Variants in GYPE observed in about 807,000 individuals in gnomAD.
GYPE encodes glycophorin-E.
A neutral mutation model predicts 11.6 loss-of-function variants in GYPE; 8 were observed. The observed-to-expected ratio is 0.69, with a 90% confidence interval of 0.41 to 1.25. The LOEUF (loss-of-function observed/expected upper bound fraction) is 1.25, where lower values mean the gene tolerates loss of function less well. GYPE is among the 50% of genes most tolerant of loss of function. GYPE has a pLI of 0.01. For synonymous variants in GYPE, 28 were observed against 29.6 expected, an observed-to-expected ratio of 0.94 and a Z score of 0.18; for missense variants, 90 against 92.8, an observed-to-expected ratio of 0.97 and a Z score of 0.12.
At chr4:143,877,705 C>G (rs1743868273) in intron 2 of GYPE, among the ~76,000 whole-genome samples, 1 of 151,742 alleles carries the variant, frequency 6.6e-6, no homozygotes, top group Non-Finnish European at 1.5e-5. Flanking sequence ...GACCACTTAG[C>G]TTGAATGTAT....
chr4:143,893,338 T>C (rs1274799377), intron 1 of GYPE, among the ~76,000 whole-genome samples: 1 of 138,740 alleles, frequency 7.2e-6, no homozygotes, highest in Non-Finnish European at 1.6e-5. Flanking sequence ...TATGTGTGAA[T>C]TTGATCCTGT....
chr4:143,894,555 C>T (rs553712252), intron 1 of GYPE, among the ~76,000 whole-genome samples: 86 of 152,126 alleles, frequency 5.7e-4, no homozygotes, highest in African/African-American at 1.6e-3. Context: ...GCAGGTCTGT[C>T]GGAGTTTGCT....
rs558200241 is a variant in GYPE, at chr4:143,884,991, G to A, written c.38-4482C>T. Among the ~76,000 whole-genome samples the A allele has an allele frequency of 9.3e-5, 14 of 150,494 alleles. No individual in the cohort carries two copies. The South Asian group carries it at 1.5e-3, about 16-fold the overall frequency. On this transcript the variant is annotated intron_variant, in intron 1 of 3. Coordinates refer to ENST00000358615, the MANE Select transcript of GYPE (RefSeq NM_198682.3). The stretch of plus-strand genomic sequence containing the variant: ...TCAGTAGTATGGAGGATAACTTAGG[G>A]GAAAAAAAAACATGCCAGAGCTTTG...
At chr4:143,885,638 G>C (rs1490932097) in intron 1 of GYPE, among the ~76,000 whole-genome samples, 1 of 151,334 alleles carries the variant, frequency 6.6e-6, no homozygotes, top group Non-Finnish European at 1.5e-5. Context: ...CTCCACTCTG[G>C]CTTTTAACAA....
intron 1 of GYPE, among the ~76,000 whole-genome samples, chr4:143,899,080 G>A (rs372473565): frequency 6.8e-6 from 1 of 146,364 alleles, no homozygotes; most frequent in East Asian, 2.0e-4. Flanking sequence ...ATATAAAAAG[G>A]AGCAAAAGGC....
At position 143,881,190 on chromosome 4, in the gene GYPE, C is replaced by CAAA. The variant is rs35536556; in HGVS notation, c.38-684_38-682dup. The stretch of plus-strand genomic sequence containing the variant: ...TGGGTGACAGAACGAGACTCCGTCT[C>CAAA]AAAAAAAAAAAAAACCACGCACGCA... On this transcript the variant is annotated intron_variant, in intron 1 of 3. Coordinates refer to ENST00000358615, the MANE Select transcript of GYPE (RefSeq NM_198682.3). Among the ~76,000 whole-genome samples the CAAA allele has an allele frequency of 6.7e-5, 7 of 104,730 alleles. No homozygotes were observed. The East Asian group carries it at 1.7e-3, about 25-fold the overall frequency. The allele number at this position is 104,730 out of a possible 152,430, so 68.7% of individuals were successfully genotyped here. A position where few individuals can be genotyped will look rare whatever the true frequency, so the allele number is the denominator to read the frequency against.
intron 3 of GYPE, among the ~76,000 whole-genome samples, chr4:143,874,707 C>T (rs1743732071): frequency 1.3e-5 from 2 of 152,162 alleles, no homozygotes; most frequent in Admixed American, 1.3e-4. Flanking sequence ...ATTGGGACCC[C>T]AGGTCCTTTA....
chr4:143,878,114 GTTTTTATTTA>G (rs941472969), intron 2 of GYPE, among the ~76,000 whole-genome samples: 4 of 151,550 alleles, frequency 2.6e-5, no homozygotes, highest in Non-Finnish European at 4.4e-5. Context: ...TTTCCAAAAT[GTTTTTATTTA>G]TTTTTATTTA....
Position 143,901,098 on chromosome 4 carries a change from G to A in GYPE, c.37+4373C>T, listed in dbSNP as rs188149861. Reference sequence around the variant, plus strand: ...TATTATTCAGAACCTGCCTATGTACGGAACCTAACCTGCTGTATATAAATC... The same window carrying A: ...TATTATTCAGAACCTGCCTATGTACAGAACCTAACCTGCTGTATATAAATC... On this transcript the variant is annotated intron_variant, in intron 1 of 3. Coordinates refer to ENST00000358615, the MANE Select transcript of GYPE (RefSeq NM_198682.3). 1.5e-3 allele frequency among the ~76,000 whole-genome samples: 230 copies of A among 152,194 alleles called. 1 individual carries two copies. The highest frequency in any genetic ancestry group is 3.0e-3 in the Non-Finnish European group (201 of 67,996).
chr4:143,895,107 GC>G (rs1744572397), intron 1 of GYPE, among the ~76,000 whole-genome samples: 1 of 152,132 alleles, frequency 6.6e-6, no homozygotes, highest in Non-Finnish European at 1.5e-5. Flanking sequence ...AGACAGGGAT[GC>G]CCTCTCTCAC....
intron 1 of GYPE, among the ~76,000 whole-genome samples, chr4:143,885,307 A>G (rs1195566145): frequency 6.6e-6 from 1 of 152,212 alleles, no homozygotes; most frequent in East Asian, 1.9e-4. Context: ...AGCAAAGTAT[A>G]TGTAACTGTT....
chr4:143,901,215 T>C (rs1578981353), intron 1 of GYPE, among the ~76,000 whole-genome samples: 2 of 152,258 alleles, frequency 1.3e-5, no homozygotes, highest in South Asian at 2.1e-4. Context: ...AGAGCTTACA[T>C]ATAATAATTT....
rs1437561629 is a variant in GYPE at position 143,871,315 on chromosome 4, A to AT, written c.*946dup. On this transcript the variant is annotated 3_prime_UTR_variant, in exon 4 of 4. Coordinates refer to ENST00000358615, the MANE Select transcript of GYPE (RefSeq NM_198682.3). ...GTGTTTTTATGGTTACGGGTGGCAT[A>AT]TAATATACAGGTAAGCCAATGTTAC... The AT allele has an allele frequency of 4.6e-5, 7 of 152,134 alleles. No homozygotes were observed. Among genetic ancestry groups the AT allele is most frequent in the Non-Finnish European group, 8.8e-5 (6 of 68,022 alleles). The allele number at this position is 152,134 out of a possible 1,614,324, so 9.4% of individuals were successfully genotyped here.
At chr4:143,897,188 G>T (rs746694044) in intron 1 of GYPE, among the ~76,000 whole-genome samples, 13 of 152,042 alleles carry the variant, frequency 8.6e-5, no homozygotes, top group Non-Finnish European at 1.8e-4. Context: ...TGTATTCTAG[G>T]TGTGGTGGGT....
intron 1 of GYPE, among the ~76,000 whole-genome samples, chr4:143,897,697 A>G (rs916336019): frequency 3.3e-5 from 5 of 152,254 alleles, no homozygotes; most frequent in South Asian, 2.1e-4. Flanking sequence ...GATCAATAGC[A>G]TATGAAATAC....
chr4:143,897,212 C>T (rs1003667818), intron 1 of GYPE, among the ~76,000 whole-genome samples: 5 of 151,814 alleles, frequency 3.3e-5, no homozygotes, highest in Non-Finnish European at 5.9e-5. Context: ...GCCTGTAACC[C>T]CAGTGCTTTG....
At chr4:143,895,373 G>T (rs1744587445) in intron 1 of GYPE, among the ~76,000 whole-genome samples, 1 of 152,036 alleles carries the variant, frequency 6.6e-6, no homozygotes, top group African/African-American at 2.4e-5. Flanking sequence ...CAGACAAACA[G>T]AGAGCCAAAT....
chr4:143,900,399 T>TA (rs1439053238), intron 1 of GYPE, among the ~76,000 whole-genome samples: 25 of 116,628 alleles, frequency 2.1e-4, no homozygotes, highest in African/African-American at 7.6e-4. Flanking sequence ...CTTAGTAAGT[T>TA]AAACATAAAA....
At chr4:143,884,929 T>A (rs1454366170) in intron 1 of GYPE, among the ~76,000 whole-genome samples, 6 of 146,522 alleles carry the variant, frequency 4.1e-5, no homozygotes, top group Non-Finnish European at 9.0e-5. Context: ...AGAGAATGAA[T>A]GGTTTGAAGC....
Sources: allele counts gnomAD v4.1 joint callset (sites outside exome capture counted in the v4.1 genomes callset), GRCh38; gene constraint gnomAD v4.1.1; transcripts MANE v1.5; gene names NCBI Gene and HGNC (gene_info 2026-07-23, HGNC 2026-07-21).